TBPL1: variants seen among roughly 807,000 people sequenced by gnomAD.
TBPL1 encodes the protein TATA box-binding protein-like 1.
In TBPL1, 4 loss-of-function variants were observed where a neutral mutation model predicts 22.1. The ratio of observed to expected loss-of-function variants is 0.18; its 90% CI spans 0.09 to 0.41. The LOEUF (loss-of-function observed/expected upper bound fraction) is 0.41, where lower values mean the gene tolerates loss of function less well. TBPL1 is among the 10% of genes least tolerant of loss of function. The probability of loss-of-function intolerance (pLI) is 1.00; values close to 1 mark genes in which losing one functional copy is unlikely to be tolerated. For missense variants in TBPL1, 115 were observed against 222.3 expected, an observed-to-expected ratio of 0.52 and a Z score of 3.07; for synonymous variants, 64 against 71.0, an observed-to-expected ratio of 0.90 and a Z score of 0.50.
intron 1 of TBPL1, among the ~76,000 whole-genome samples, chr6:133,964,776 A>G (rs1016520644): frequency 1.3e-5 from 2 of 152,148 alleles, no homozygotes; most frequent in African/African-American, 2.4e-5. Context: ...CCAAGTAACT[A>G]ATTTCATAAT....
chr6:133,980,260 A>T lies in TBPL1; in HGVS notation c.135A>T (p.Gly45=), dbSNP rs762442499. 2.5e-6 allele frequency: 4 copies of T among 1,603,212 alleles called. No individual in the cohort carries two copies. The African/African-American group carries it at 5.4e-5, about 22-fold the overall frequency. The change falls in exon 2 of 7, where the codon GGA becomes GGT. Residue 45 remains glycine (G), a splice_region_variant and synonymous_variant. Transcript: ENST00000237264. ...GANVIYKRDV[G]KVLMKLRKPR... ...ATGTAATTTATAAACGTGATGTTGG[A>T]GTAAGTATCTGAGTTTTCGTATTTG... is the stretch of plus-strand genomic sequence containing the variant.
intron 6 of TBPL1, 113 bp downstream of exon 6, chr6:133,984,784 T>C (rs1484046820): frequency 1.1e-6 from 1 of 875,954 alleles, no homozygotes; most frequent in Admixed American, 2.4e-5. Context: ...TTCTGCCCTT[T>C]AGAGGAACCA....
At chr6:133,984,735 C>A in intron 6 of TBPL1, 64 bp downstream of exon 6, 1 of 1,337,164 alleles carries the variant, frequency 7.5e-7, no homozygotes, top group South Asian at 1.2e-5. Context: ...ATGCTCATAC[C>A]AAGATAGAAA....
At chr6:133,971,195 T>C (rs1776215243) in intron 1 of TBPL1, among the ~76,000 whole-genome samples, 1 of 152,134 alleles carries the variant, frequency 6.6e-6, no homozygotes, top group South Asian at 2.1e-4. Context: ...ATGAGGAATT[T>C]GTCTTTCTGT....
chr6:133,977,170 C>A (rs1776329267), intron 1 of TBPL1, among the ~76,000 whole-genome samples: 2 of 151,952 alleles, frequency 1.3e-5, no homozygotes, highest in African/African-American at 4.8e-5. Context: ...AAAATGTGAT[C>A]TTTTATGTAG....
rs573898724 is a variant in TBPL1 at position 133,987,732 on chromosome 6, T to G, written c.*692T>G. The G allele has an allele frequency of 2.0e-5, 3 of 152,220 alleles. No homozygotes were observed. In the South Asian group the frequency reaches 6.2e-4, roughly 32 times the overall value. 9.4% of individuals were successfully genotyped at this position (152,220 alleles called of 1,614,324 possible). A position where few individuals can be genotyped will look rare whatever the true frequency, so the allele number is the denominator to read the frequency against. On this transcript the variant is annotated 3_prime_UTR_variant, in exon 7 of 7. Coordinates refer to ENST00000237264, the MANE Select transcript of TBPL1 (RefSeq NM_004865.4). ...AAATAACAAATAGGAATTTTTTTTC[T>G]TGCAGATTAGAAATAAAAACGTGTA... is the stretch of plus-strand genomic sequence containing the variant.
chr6:133,976,954 C>T (rs373657027), intron 1 of TBPL1, among the ~76,000 whole-genome samples: 4 of 140,452 alleles, frequency 2.8e-5, no homozygotes, highest in Admixed American at 7.5e-5. Context: ...GGCAACAAAG[C>T]GAGACTTGGT....
chr6:133,960,934 T>C (rs1776012681), intron 1 of TBPL1, among the ~76,000 whole-genome samples: 1 of 152,228 alleles, frequency 6.6e-6, no homozygotes, highest in Admixed American at 6.5e-5. Flanking sequence ...ATAATTCTTT[T>C]CTTACATCAG....
chr6:133,956,001 T>C (rs1002274734), intron 1 of TBPL1, among the ~76,000 whole-genome samples: 3 of 152,204 alleles, frequency 2.0e-5, no homozygotes, highest in African/African-American at 7.2e-5. Context: ...GAGAGAGTTA[T>C]TTCTTCTCAT....
Position 133,967,710 on chromosome 6 carries a change from G to A in TBPL1, c.-44-12372G>A, listed in dbSNP as rs529666177. Among the ~76,000 whole-genome samples, 12 of 152,252 alleles carry A rather than the reference G, an allele frequency of 7.9e-5. No homozygotes were observed. The South Asian group carries it at 1.2e-3, about 16-fold the overall frequency. ...ATAGGAAAGGTGTAGTAGAACTACG[G>A]TATTATAATATTATGGACCCCTGGA... On this transcript the variant is annotated intron_variant, in intron 1 of 6. Transcript: ENST00000237264.
Position 133,990,014 on chromosome 6 carries a change from G to GT in TBPL1, c.*2975dup, listed in dbSNP as rs1448603467. The stretch of plus-strand genomic sequence containing the variant: ...TTTCTATCATACCCAAATTTTATTA[G>GT]TAAGACCTCTTAACAAGTCTTTAAA... On this transcript the variant is annotated 3_prime_UTR_variant, in exon 7 of 7. Coordinates refer to ENST00000237264, the MANE Select transcript of TBPL1 (RefSeq NM_004865.4). 6.6e-6 allele frequency: 1 copy of GT among 152,380 alleles called. No individual in the cohort carries two copies. The highest frequency in any genetic ancestry group is 2.4e-5 in the African/African-American group (1 of 41,418). The allele number at this position is 152,380 out of a possible 1,614,324, so 9.4% of individuals were successfully genotyped here. A position where few individuals can be genotyped will look rare whatever the true frequency, so the allele number is the denominator to read the frequency against.
chr6:133,973,200 T>C (rs146157453), intron 1 of TBPL1, among the ~76,000 whole-genome samples: 2 of 152,322 alleles, frequency 1.3e-5, no homozygotes, highest in South Asian at 2.1e-4. Flanking sequence ...TTGAATGGCC[T>C]GTCTTTCTTT....
chr6:133,952,831 T>G (rs1246436634), upstream of TBPL1: 1 of 152,118 alleles, frequency 6.6e-6, no homozygotes, highest in Non-Finnish European at 1.5e-5. This position sits in a 1 kb window ranked among gnomAD's most constrained non-coding sequence, Gnocchi z 4.5. Context: ...GACAAAAAAG[T>G]CCACCTAAAT....
At chr6:133,979,039 G>T (rs1776363813) in intron 1 of TBPL1, among the ~76,000 whole-genome samples, 1 of 152,072 alleles carries the variant, frequency 6.6e-6, no homozygotes, top group African/African-American at 2.4e-5. Context: ...TAAAAACTGG[G>T]GCTTGTTTGT....
At chr6:133,983,440 G>C (rs941113402) in intron 4 of TBPL1, among the ~76,000 whole-genome samples, 59 of 152,212 alleles carry the variant, frequency 3.9e-4, no homozygotes, top group African/African-American at 1.4e-3. Context: ...TGAGGGCAAG[G>C]CTGTTTGGGA....
At chr6:133,970,808 C>T (rs903491789) in intron 1 of TBPL1, among the ~76,000 whole-genome samples, 1 of 151,810 alleles carries the variant, frequency 6.6e-6, no homozygotes, top group African/African-American at 2.4e-5. Context: ...TCTGTGTTGC[C>T]CAGGCTGGTT....
intron 1 of TBPL1, among the ~76,000 whole-genome samples, chr6:133,955,787 T>C (rs57229560): frequency 0.047 from 7,161 of 152,296 alleles, 574 homozygotes; most frequent in African/African-American, 0.16. Flanking sequence ...ATGATTCTTA[T>C]TCTAAAAAAA....
chr6:133,984,475 G>T lies in TBPL1; in HGVS notation c.382G>T (p.Ala128Ser). 6.2e-7 allele frequency: 1 copy of T among 1,613,576 alleles called. No homozygotes were observed. Among genetic ancestry groups the T allele is most frequent in the Non-Finnish European group, 8.5e-7 (1 of 1,179,772 alleles). The change falls in exon 5 of 7, where the codon GCC becomes TCC. Residue 128 changes from alanine to serine, a missense_variant. Transcript: ENST00000237264. ...PEFTKNNRPH[A>S]SYEPELHPAV... Reference sequence around the variant, plus strand: ...ATTCACAAAGAACAATAGACCTCATGCCAGGTAAGTCTTTGAAGCAATTTA... The same window carrying T: ...ATTCACAAAGAACAATAGACCTCATTCCAGGTAAGTCTTTGAAGCAATTTA...
At chr6:133,967,195 A>C (rs896688049) in intron 1 of TBPL1, among the ~76,000 whole-genome samples, 1 of 152,130 alleles carries the variant, frequency 6.6e-6, no homozygotes, top group African/African-American at 2.4e-5. Flanking sequence ...CCTATCCCCT[A>C]GTATGGGTCT....
Sources: allele counts gnomAD v4.1 joint callset (sites outside exome capture counted in the v4.1 genomes callset), GRCh38; gene constraint gnomAD v4.1.1; non-coding constraint Gnocchi (gnomAD v3.1); transcripts MANE v1.5; gene names NCBI Gene and HGNC (gene_info 2026-07-23, HGNC 2026-07-21).